The following MGLL variants were observed in gnomAD, a reference collection of about 807,000 sequenced individuals.
MGLL encodes monoglyceride lipase.
In MGLL, 7 loss-of-function variants were observed where a neutral mutation model predicts 29.1. That is an observed-to-expected ratio of 0.24 (90% CI 0.14 to 0.45). The LOEUF (loss-of-function observed/expected upper bound fraction) is 0.45, where lower values mean the gene tolerates loss of function less well. MGLL is among the 20% of genes least tolerant of loss of function. The probability of loss-of-function intolerance (pLI) is 0.99; values close to 1 mark genes in which losing one functional copy is unlikely to be tolerated. For missense variants in MGLL, 356 were observed against 413.6 expected (o/e 0.86, Z 1.21); for synonymous variants, 148 against 168.3 (o/e 0.88, Z 0.93).
In MGLL at chr3:127,745,745, C is replaced by T. The variant is rs374622207; in HGVS notation, c.263-23179G>A. On this transcript the variant is annotated intron_variant, in intron 3 of 7. Coordinates refer to ENST00000265052, the MANE Select transcript of MGLL (RefSeq NM_007283.7). ...GATGCCGGGGTTCCTGGTGCAGTGT[C>T]CATCCATCCTCTGGGATGCAGCTGC... Among the ~76,000 whole-genome samples, 25 of 152,272 alleles carry T rather than the reference C, an allele frequency of 1.6e-4. No homozygotes were observed. The East Asian group carries it at 4.8e-3, about 29-fold the overall frequency.
chr3:127,803,034 C>A (rs1223085807), intron 2 of MGLL, among the ~76,000 whole-genome samples: 6 of 151,826 alleles, frequency 4.0e-5, no homozygotes, highest in Non-Finnish European at 7.4e-5. Context: ...GGCTGGGGTG[C>A]AGTGGCACAA....
intron 2 of MGLL, among the ~76,000 whole-genome samples, chr3:127,808,304 C>A (rs2077604567): frequency 6.6e-6 from 1 of 152,190 alleles, no homozygotes; most frequent in Admixed American, 6.5e-5. Flanking sequence ...CACTTCTTAG[C>A]TTTGCTTTCT....
chr3:127,796,495 T>C lies in MGLL; in HGVS notation c.156-14600A>G, dbSNP rs143393969. Among the ~76,000 whole-genome samples the C allele has an allele frequency of 2.4e-3, 367 of 152,328 alleles. 7 individuals carry two copies. The highest frequency in any genetic ancestry group is 8.1e-3 in the African/African-American group (335 of 41,576). ...AATGCATTAGGGTTGCCAAAATCAGTCTGGCTTCAAAACCTCTTGGTTAAG... is the reference window on the plus strand; with the variant it reads ...AATGCATTAGGGTTGCCAAAATCAGCCTGGCTTCAAAACCTCTTGGTTAAG... On this transcript the variant is annotated intron_variant, in intron 2 of 7. Coordinates refer to ENST00000265052, the MANE Select transcript of MGLL (RefSeq NM_007283.7).
chr3:127,779,336 C>T (rs1171538265), intron 3 of MGLL, among the ~76,000 whole-genome samples: 1 of 152,070 alleles, frequency 6.6e-6, no homozygotes, highest in Non-Finnish European at 1.5e-5. Context: ...CACTGCACTC[C>T]AGCCTGGGCG....
chr3:127,814,322 C>T lies in MGLL; in HGVS notation c.155+7372G>A, dbSNP rs146469658. On this transcript the variant is annotated intron_variant, in intron 2 of 7. Transcript: ENST00000265052. ...TCACCCCGTTTCACTCGCTGACCAC[C>T]GCAGCATCCCCACCCCCATCCCCTA... Among the ~76,000 whole-genome samples the T allele has an allele frequency of 4.4e-3, 676 of 152,204 alleles. 8 individuals are homozygous for T. The highest frequency in any genetic ancestry group is 0.015 in the African/African-American group (627 of 41,490).
intron 3 of MGLL, among the ~76,000 whole-genome samples, chr3:127,759,815 T>C (rs2076730942): frequency 6.6e-6 from 1 of 152,216 alleles, no homozygotes; most frequent in Admixed American, 6.5e-5. Context: ...CAGATGATTC[T>C]CCTTTTTTGG....
chr3:127,820,153 AC>A (rs1426969775), intron 2 of MGLL, among the ~76,000 whole-genome samples: 1 of 151,844 alleles, frequency 6.6e-6, no homozygotes, highest in East Asian at 1.9e-4. Flanking sequence ...TCAACCATCC[AC>A]CTCTGTTCTT....
intron 3 of MGLL, among the ~76,000 whole-genome samples, chr3:127,726,200 AAGAAAGAC>A (rs747730165): frequency 0.051 from 6,975 of 137,796 alleles, 573 homozygotes; most frequent in Non-Finnish European, 0.071. Context: ...AAAAGAAAGA[AAGAAAGAC>A]AGAAGGAAGG....
At chr3:127,732,597 A>G (rs969260657) in intron 3 of MGLL, among the ~76,000 whole-genome samples, 1 of 152,210 alleles carries the variant, frequency 6.6e-6, no homozygotes, top group Admixed American at 6.5e-5. Flanking sequence ...TTGTGCCTAG[A>G]GCTGCTCACC....
chr3:127,768,139 T>A (rs2076889467), intron 3 of MGLL, among the ~76,000 whole-genome samples: 1 of 152,184 alleles, frequency 6.6e-6, no homozygotes, highest in Non-Finnish European at 1.5e-5. Context: ...CTATTAATAG[T>A]TAAAGAAACT....
chr3:127,701,753 A>AC (rs1448827425), intron 6 of MGLL, among the ~76,000 whole-genome samples: 1 of 150,838 alleles, frequency 6.6e-6, no homozygotes, highest in Admixed American at 6.6e-5. Flanking sequence ...TCATCCCCAG[A>AC]CCCCTTTCCT....
At chr3:127,716,847 G>A (rs2075825446) in intron 5 of MGLL, among the ~76,000 whole-genome samples, 1 of 152,216 alleles carries the variant, frequency 6.6e-6, no homozygotes, top group African/African-American at 2.4e-5. Flanking sequence ...GGACACAGCA[G>A]GTACCCTCAG....
At position 127,773,582 on chromosome 3, in the gene MGLL, T is replaced by C. The variant is rs571272867; in HGVS notation, c.262+8207A>G. ...GGGCTGGCTCTGGACTGGGACAGCA[T>C]GACGGGGACTTGTTAAAGAGTGCAC... is the stretch of plus-strand genomic sequence containing the variant. On this transcript the variant is annotated intron_variant, in intron 3 of 7. Coordinates refer to ENST00000265052, the MANE Select transcript of MGLL (RefSeq NM_007283.7). 2.6e-5 allele frequency among the ~76,000 whole-genome samples: 4 copies of C among 152,208 alleles called. No individual in the cohort carries two copies. The South Asian group carries it at 6.2e-4, about 24-fold the overall frequency.
intron 5 of MGLL, among the ~76,000 whole-genome samples, chr3:127,716,445 T>C (rs2075817217): frequency 6.6e-6 from 1 of 152,236 alleles, no homozygotes; most frequent in Admixed American, 6.5e-5. Flanking sequence ...GCAAATGTCA[T>C]TCAAAGTAGA....
chr3:127,769,436 G>A (rs1383398376), intron 3 of MGLL, among the ~76,000 whole-genome samples: 2 of 152,104 alleles, frequency 1.3e-5, no homozygotes, highest in African/African-American at 4.8e-5. Context: ...CATTTCAAAA[G>A]TTCAACTAAC....
intron 3 of MGLL, among the ~76,000 whole-genome samples, chr3:127,771,451 C>T (rs929620665): frequency 1.3e-5 from 2 of 152,174 alleles, no homozygotes; most frequent in African/African-American, 2.4e-5. Flanking sequence ...TGGGTTCAAG[C>T]GATCCCAAGT....
intron 7 of MGLL, among the ~76,000 whole-genome samples, chr3:127,693,421 A>T (rs2075285626): frequency 6.6e-6 from 1 of 152,182 alleles, no homozygotes; most frequent in African/African-American, 2.4e-5. Flanking sequence ...CCAAGAGAAG[A>T]AGTTTAGACT....
intron 6 of MGLL, among the ~76,000 whole-genome samples, chr3:127,701,329 C>T (rs931794890): frequency 2.0e-5 from 3 of 151,980 alleles, no homozygotes; most frequent in Non-Finnish European, 4.4e-5. Context: ...CTGGAAACAG[C>T]TGTGCTTGGC....
intron 3 of MGLL, among the ~76,000 whole-genome samples, chr3:127,748,406 GAA>G (rs1226810850): frequency 0.011 from 1,634 of 147,346 alleles, 21 homozygotes; most frequent in African/African-American, 0.04. Context: ...GAGAGAGAGA[GAA>G]AGAGAGAGAG....
Sources: gnomAD v4.1 joint callset for allele counts (sites outside exome capture counted in the v4.1 genomes callset) on GRCh38, gnomAD v4.1.1 for gene constraint, MANE v1.5 for transcripts, NCBI Gene and HGNC (gene_info 2026-07-23, HGNC 2026-07-21) for gene names.